The following CDC14B variants were observed in gnomAD, a reference collection of about 807,000 sequenced individuals.
The protein encoded by CDC14B is cell division cycle 14B.
Under a neutral mutation model 64.2 loss-of-function variants are expected in CDC14B, and 22 were observed. That is an observed-to-expected ratio of 0.34 (90% confidence interval 0.24 to 0.49). The LOEUF is 0.49. Among genes scored for constraint, CDC14B ranks in the 20% least tolerant of loss-of-function variants. CDC14B has a pLI of 0.99. For synonymous variants in CDC14B, 191 were observed against 215.8 expected (o/e 0.89, Z 1.01); for missense variants, 498 against 629.9 (o/e 0.79, Z 2.24).
chr9:96,592,754 C>CAG, intron 1 of CDC14B, among the ~76,000 whole-genome samples: 1 of 152,162 alleles, frequency 6.6e-6, no homozygotes, highest in East Asian at 1.9e-4. Context: ...GCTTGAGCAA[C>CAG]AGAGTGAGAC....
chr9:96,499,236 G>T (rs1833377221), downstream of CDC14B, among the ~76,000 whole-genome samples: 2 of 152,168 alleles, frequency 1.3e-5, no homozygotes, highest in Admixed American at 6.5e-5. Context: ...CAGGTCTCTG[G>T]TTTTTACTTT....
intron 13 of CDC14B, among the ~76,000 whole-genome samples, chr9:96,504,887 GAA>G (rs1833912051): frequency 1.3e-5 from 2 of 152,152 alleles, no homozygotes; most frequent in Admixed American, 1.3e-4. Context: ...AGAAGCTAAG[GAA>G]AGAGGCCGGG....
chr9:96,570,631 G>C (rs183411229), intron 1 of CDC14B, among the ~76,000 whole-genome samples: 1 of 152,202 alleles, frequency 6.6e-6, no homozygotes, highest in Admixed American at 6.5e-5. Context: ...GAAAGAACAC[G>C]GGGAGCAGAG....
At chr9:96,589,216 G>A (rs1342273563) in intron 1 of CDC14B, among the ~76,000 whole-genome samples, 2 of 152,042 alleles carry the variant, frequency 1.3e-5, no homozygotes, top group East Asian at 3.9e-4. Flanking sequence ...GCATGCGCCT[G>A]TAATCCCAGC....
At chr9:96,530,170 T>C (rs1223052715) in intron 9 of CDC14B, among the ~76,000 whole-genome samples, 1 of 152,194 alleles carries the variant, frequency 6.6e-6, no homozygotes, top group Non-Finnish European at 1.5e-5. Flanking sequence ...ATTTTTATTG[T>C]CAGGGCTTAG....
chr9:96,514,639 C>G, intron 12 of CDC14B: 1 of 985,378 alleles, frequency 1.0e-6, no homozygotes, highest in African/African-American at 1.7e-5. Context: ...TTGCAAGGAA[C>G]TTTTGCATTC....
At chr9:96,549,313 G>A (rs1309324713) in intron 5 of CDC14B, among the ~76,000 whole-genome samples, 1 of 152,140 alleles carries the variant, frequency 6.6e-6, no homozygotes, top group African/African-American at 2.4e-5. Context: ...AACTATAAAT[G>A]TTTCTAAAAT....
intron 1 of CDC14B, among the ~76,000 whole-genome samples, chr9:96,595,177 A>T (rs145432021): frequency 2.6e-5 from 4 of 152,188 alleles, no homozygotes; most frequent in African/African-American, 9.6e-5. Flanking sequence ...TTAGCCCTCA[A>T]CTAAGCATTG....
At position 96,565,481 on chromosome 9, in the gene CDC14B, G is replaced by C. The variant is rs373460925; in HGVS notation, c.163C>G (p.Arg55Gly). ...QDDVYLDITDRLCFAILYSRP... is the reference protein window; with the variant it reads ...QDDVYLDITDGLCFAILYSRP... ...CTGTAGAGAATGGCAAAACAAAGGC[G>C]ATCTGAAATGGAAAAATTGCAATGT... The change falls in exon 2 of 14, where the codon CGC (arginine) becomes GGC (glycine). Residue 55 changes from arginine to glycine, a missense_variant and splice_region_variant. Transcript: ENST00000375241. 1 of 1,602,294 alleles carries C rather than the reference G, an allele frequency of 6.2e-7. No individual in the cohort carries two copies. Among genetic ancestry groups the C allele is most frequent in the Non-Finnish European group, 8.6e-7 (1 of 1,169,464 alleles).
chr9:96,590,062 T>C (rs1163529696), intron 1 of CDC14B, among the ~76,000 whole-genome samples: 4 of 152,212 alleles, frequency 2.6e-5, no homozygotes, highest in Non-Finnish European at 5.9e-5. Flanking sequence ...TTAACTTGTA[T>C]GTACACTGCT....
downstream of CDC14B, among the ~76,000 whole-genome samples, chr9:96,495,950 C>T (rs1168938522): frequency 6.6e-6 from 1 of 152,158 alleles, no homozygotes; most frequent in Non-Finnish European, 1.5e-5. Context: ...GTTGACCCAT[C>T]GATGCAGCCT....
intron 12 of CDC14B, among the ~76,000 whole-genome samples, chr9:96,517,954 G>A (rs192808704): frequency 2.0e-5 from 3 of 152,024 alleles, no homozygotes; most frequent in Non-Finnish European, 2.9e-5. Context: ...TTACAGGCAT[G>A]AGCCACTGTG....
downstream of CDC14B, among the ~76,000 whole-genome samples, chr9:96,496,734 C>T (rs1202364284): frequency 1.3e-5 from 2 of 152,254 alleles, no homozygotes; most frequent in Non-Finnish European, 2.9e-5. Flanking sequence ...GCAGCGGACC[C>T]GCTCCCGGGG....
At chr9:96,491,136 T>C (rs1479677167) in exon 14 of CDC14B, 2 of 152,312 alleles carry the variant, frequency 1.3e-5, no homozygotes, top group Non-Finnish European at 2.9e-5. Context: ...GTAGAGCTGC[T>C]AGAAGCTGGG....
intron 12 of CDC14B, among the ~76,000 whole-genome samples, chr9:96,512,182 A>G (rs1834992699): frequency 6.6e-6 from 1 of 150,790 alleles, no homozygotes; most frequent in Non-Finnish European, 1.5e-5. Flanking sequence ...TGTGTCACCG[A>G]TCTCCAGCCA....
chr9:96,552,721 C>G (rs980528303), intron 4 of CDC14B, among the ~76,000 whole-genome samples: 1 of 152,116 alleles, frequency 6.6e-6, no homozygotes, highest in Admixed American at 6.5e-5. Flanking sequence ...TAAGTAAGTC[C>G]TCTGCCTACC....
chr9:96,607,760 C>T (rs12349637), intron 1 of CDC14B, among the ~76,000 whole-genome samples: 2,369 of 152,234 alleles, frequency 0.016, 55 homozygotes, highest in African/African-American at 0.053. Context: ...GCAGAATACA[C>T]GAGCAATGTG....
rs1312986319 is a variant in CDC14B, at chr9:96,502,463, C to T, written c.*1290G>A. ...TTGTGGCTTAGGAGGGCATTTGTTT[C>T]CCACTGCCTGTCGACATCTCAGCCC... is the stretch of plus-strand genomic sequence containing the variant. On this transcript the variant is annotated 3_prime_UTR_variant, in exon 14 of 14. Coordinates refer to ENST00000375241, the MANE Select transcript of CDC14B (RefSeq NM_033331.4). The T allele has an allele frequency of 6.0e-6, 1 of 168,040 alleles. No individual in the cohort carries two copies. The highest frequency in any genetic ancestry group is 1.6e-4 in the East Asian group (1 of 6,428). The allele number at this position is 168,040 out of a possible 1,614,324, so 10.4% of individuals were successfully genotyped here.
chr9:96,566,764 T>A, intron 1 of CDC14B: 1 of 1,605,248 alleles, frequency 6.2e-7, no homozygotes, highest in Non-Finnish European at 8.5e-7. Flanking sequence ...CCCTCCCGGC[T>A]CACCTTTGAT....
Sources: gnomAD v4.1 joint callset for allele counts (sites outside exome capture counted in the v4.1 genomes callset) on GRCh38, gnomAD v4.1.1 for gene constraint, MANE v1.5 for transcripts, NCBI Gene and HGNC (gene_info 2026-07-23, HGNC 2026-07-21) for gene names.